Variants in ATE1 observed in about 807,000 individuals in gnomAD.
ATE1 encodes the protein arginyltransferase 1.
A neutral mutation model predicts 70.5 loss-of-function variants in ATE1; 36 were observed. That is an observed-to-expected ratio of 0.51 (90% confidence interval 0.39 to 0.67). The LOEUF (loss-of-function observed/expected upper bound fraction) is 0.67. ATE1 is among the 30% of genes least tolerant of loss of function. The pLI, the probability that ATE1 is intolerant of heterozygous loss-of-function variation, is 0.00. For missense variants in ATE1, 593 were observed against 629.5 expected (o/e 0.94, Z 0.62); for synonymous variants, 232 against 219.3 (o/e 1.06, Z -0.51).
intron 8 of ATE1, among the ~76,000 whole-genome samples, chr10:121,855,239 T>C (rs1949203535): frequency 1.3e-5 from 2 of 152,220 alleles, no homozygotes; most frequent in South Asian, 4.1e-4. Flanking sequence ...CTTAATTTTC[T>C]TGGTCATGAG....
intron 10 of ATE1, among the ~76,000 whole-genome samples, chr10:121,829,687 C>T (rs1437003991): frequency 4.7e-5 from 7 of 147,880 alleles, no homozygotes; most frequent in African/African-American, 1.3e-4. Flanking sequence ...CCAGCCTGGG[C>T]GACAGAGCGA....
intron 11 of ATE1, chr10:121,782,705 A>G (rs900242646): frequency 6.6e-6 from 1 of 152,252 alleles, no homozygotes; most frequent in Non-Finnish European, 1.5e-5. Flanking sequence ...GGGTGCTGCC[A>G]AAAGAGATGA....
intron 9 of ATE1, among the ~76,000 whole-genome samples, chr10:121,837,456 C>T (rs982271601): frequency 6.6e-6 from 1 of 152,124 alleles, no homozygotes; most frequent in African/African-American, 2.4e-5. Flanking sequence ...CATTTGCATC[C>T]TGATAAATCT....
At chr10:121,788,866 G>C (rs1178528446) in intron 11 of ATE1, among the ~76,000 whole-genome samples, 1 of 152,210 alleles carries the variant, frequency 6.6e-6, no homozygotes, top group African/African-American at 2.4e-5. Flanking sequence ...CCCATCCTGA[G>C]AGCATCAGCA....
chr10:121,913,331 A>C (rs1172737786), intron 4 of ATE1, among the ~76,000 whole-genome samples: 2 of 152,250 alleles, frequency 1.3e-5, no homozygotes, highest in Non-Finnish European at 2.9e-5. Flanking sequence ...AGGATTTCAA[A>C]CAGTATAATT....
chr10:121,867,977 T>C (rs1949720368), intron 8 of ATE1, among the ~76,000 whole-genome samples: 1 of 152,214 alleles, frequency 6.6e-6, no homozygotes, highest in African/African-American at 2.4e-5. Flanking sequence ...TCTCTGACAG[T>C]GATTATTGAA....
chr10:121,743,660 T>G lies in ATE1; in HGVS notation c.*20A>C, dbSNP rs754648790. 6.3e-7 allele frequency: 1 copy of G among 1,584,434 alleles called. No homozygotes were observed. Among genetic ancestry groups the G allele is most frequent in the Non-Finnish European group, 8.6e-7 (1 of 1,166,192 alleles). ...AAATCATCAGCACAACACAGGAACT[T>G]CCCGGCAGAGGTGAACAGGTCAGTT... On this transcript the variant is annotated 3_prime_UTR_variant, in exon 12 of 12. Transcript: ENST00000224652.
intron 7 of ATE1, among the ~76,000 whole-genome samples, chr10:121,878,847 A>G (rs1202828319): frequency 6.6e-6 from 1 of 152,164 alleles, no homozygotes; most frequent in Non-Finnish European, 1.5e-5. Flanking sequence ...TTTTACAGAC[A>G]GCAAAATTAC....
intron 1 of ATE1, 80 bp downstream of exon 1, chr10:121,927,764 C>T: frequency 1.4e-6 from 2 of 1,456,616 alleles, no homozygotes; most frequent in Non-Finnish European, 1.8e-6. Context: ...CTCCGGCCCC[C>T]TCGCGTCCTC....
intron 8 of ATE1, among the ~76,000 whole-genome samples, chr10:121,845,323 A>G (rs979063194): frequency 2.6e-5 from 4 of 152,230 alleles, no homozygotes; most frequent in African/African-American, 9.7e-5. Context: ...AAACTATTCT[A>G]TATGATATTG....
chr10:121,787,103 TA>T (rs1053812682), intron 11 of ATE1, among the ~76,000 whole-genome samples: 5 of 152,110 alleles, frequency 3.3e-5, no homozygotes, highest in Non-Finnish European at 7.4e-5. Context: ...TACAAAAGGA[TA>T]GGGGGAAAAC....
chr10:121,928,424 G>C (rs531408020), upstream of ATE1: 31 of 1,521,492 alleles, frequency 2.0e-5, no homozygotes, highest in South Asian at 2.7e-4. Flanking sequence ...TTCCACCACC[G>C]ACGCCATGGC....
intron 10 of ATE1, among the ~76,000 whole-genome samples, chr10:121,818,601 ATTTT>A: frequency 6.6e-6 from 1 of 152,302 alleles, no homozygotes; most frequent in Middle Eastern, 3.4e-3. Context: ...AAAATCCTTT[ATTTT>A]TAAATGAACA....
chr10:121,913,685 G>T, intron 4 of ATE1, 105 bp downstream of exon 4: 1 of 652,798 alleles, frequency 1.5e-6, no homozygotes, highest in Non-Finnish European at 2.6e-6. Context: ...CATAGTAGTA[G>T]CAGTACATGA....
chr10:121,763,012 A>G (rs1945118737), intron 11 of ATE1, among the ~76,000 whole-genome samples: 1 of 152,194 alleles, frequency 6.6e-6, no homozygotes, highest in South Asian at 2.1e-4. Context: ...ACTGCATATG[A>G]CGTGAGGGCA....
chr10:121,897,131 G>C (rs112339458), intron 7 of ATE1, among the ~76,000 whole-genome samples: 8 of 152,176 alleles, frequency 5.3e-5, no homozygotes, highest in Non-Finnish European at 1.2e-4. Flanking sequence ...AATTCTAAAG[G>C]CACTGGAATT....
At chr10:121,875,296 T>C (rs1288343926) in intron 7 of ATE1, among the ~76,000 whole-genome samples, 2 of 123,166 alleles carry the variant, frequency 1.6e-5, no homozygotes, top group East Asian at 2.6e-4. Flanking sequence ...GGTTTTTTTT[T>C]GGTTTTTTTT....
chr10:121,755,907 T>G (rs760720583), intron 11 of ATE1, among the ~76,000 whole-genome samples: 1 of 152,088 alleles, frequency 6.6e-6, no homozygotes, highest in Non-Finnish European at 1.5e-5. Flanking sequence ...CTCCCAAATC[T>G]CGTATCTTCA....
rs568258561 is a variant in ATE1, at chr10:121,895,196, T to C, written c.942+4670A>G. Among the ~76,000 whole-genome samples the C allele has an allele frequency of 9.9e-5, 15 of 152,208 alleles. No individual in the cohort carries two copies. The South Asian group carries it at 1.9e-3, about 19-fold the overall frequency. ...GGCAGATCCTCAAAAGGAAAACACA[T>C]GAGTTACCACGTGACCCAGTAATTC... On this transcript the variant is annotated intron_variant, in intron 7 of 11. Coordinates refer to ENST00000224652, the MANE Select transcript of ATE1 (RefSeq NM_001001976.3).
Sources: allele counts gnomAD v4.1 joint callset (sites outside exome capture counted in the v4.1 genomes callset), GRCh38; gene constraint gnomAD v4.1.1; transcripts MANE v1.5; gene names NCBI Gene and HGNC (gene_info 2026-07-23, HGNC 2026-07-21).